Variants in FRMPD4 observed in about 807,000 individuals in gnomAD.
The protein encoded by FRMPD4 is FERM and PDZ domain containing 4.
FRMPD4 carries 22 observed loss-of-function variants against 94.1 expected under a neutral mutation model. The ratio of observed to expected loss-of-function variants is 0.23; its 90% CI spans 0.17 to 0.33. FRMPD4 has a LOEUF of 0.33. Among genes scored for constraint, FRMPD4 ranks in the 10% least tolerant of loss-of-function variants. The probability of loss-of-function intolerance (pLI) is 1.00; values close to 1 mark genes in which losing one functional copy is unlikely to be tolerated. For synonymous variants in FRMPD4, 631 were observed against 548.6 expected (o/e 1.15, Z -2.10); for missense variants, 1,111 against 1,339.9 (o/e 0.83, Z 2.67).
intron 2 of FRMPD4, among the ~76,000 whole-genome samples, chrX:12,605,880 A>G (rs191197737): frequency 6.6e-4 from 73 of 111,361 alleles, no homozygotes; most frequent in African/African-American, 2.2e-3. Context: ...TGGCTCTTCC[A>G]TCTATTTTAC....
chrX:12,606,212 A>C (rs771174134), intron 2 of FRMPD4, among the ~76,000 whole-genome samples: 1 of 112,423 alleles, frequency 8.9e-6, no homozygotes, highest in African/African-American at 3.2e-5. Flanking sequence ...GAGGGTAATC[A>C]AGCTCCAGAA....
intron 1 of FRMPD4, among the ~76,000 whole-genome samples, chrX:12,155,311 A>G (rs1601636438): frequency 8.9e-6 from 1 of 112,091 alleles, no homozygotes; most frequent in Non-Finnish European, 1.9e-5. Flanking sequence ...TGGTAGAAAT[A>G]TATTATCCTT....
At chrX:12,340,850 A>G (rs1601837078) in intron 1 of FRMPD4, among the ~76,000 whole-genome samples, 1 of 111,353 alleles carries the variant, frequency 9.0e-6, no homozygotes, top group African/African-American at 3.3e-5. Flanking sequence ...ATCTGTTTCA[A>G]TGACGTGACT....
chrX:12,156,678 G>A (rs1355104222), intron 1 of FRMPD4, among the ~76,000 whole-genome samples: 1 of 111,123 alleles, frequency 9.0e-6, no homozygotes, highest in Non-Finnish European at 1.9e-5. Flanking sequence ...TACTAATCGT[G>A]TGATTGAAAG....
chrX:12,490,834 ATTTT>A (rs780787567), intron 1 of FRMPD4, among the ~76,000 whole-genome samples: 4 of 111,034 alleles, frequency 3.6e-5, no homozygotes, highest in Non-Finnish European at 7.6e-5. Flanking sequence ...CTGCATATTG[ATTTT>A]TTTTATTTTA....
chrX:11,850,845 T>G (rs867535746), intron 1 of FRMPD4, among the ~76,000 whole-genome samples: 8 of 111,963 alleles, frequency 7.1e-5, no homozygotes, highest in African/African-American at 2.6e-4. Flanking sequence ...GGATATAGAA[T>G]TTTAGTTCTG....
intron 3 of FRMPD4, among the ~76,000 whole-genome samples, chrX:12,043,275 T>C (rs751149916): frequency 2.7e-5 from 3 of 112,018 alleles, no homozygotes; most frequent in Non-Finnish European, 5.6e-5. Context: ...TTTTTTGTGG[T>C]AAACGAAATG....
intron 2 of FRMPD4, among the ~76,000 whole-genome samples, chrX:12,541,923 AG>A (rs1278092595): frequency 3.6e-5 from 4 of 112,163 alleles, no homozygotes; most frequent in Non-Finnish European, 7.5e-5. Context: ...CTGAGATGCA[AG>A]GCTGGTTCAA....
intron 1 of FRMPD4, among the ~76,000 whole-genome samples, chrX:12,475,521 T>G (rs1241890873): frequency 4.5e-5 from 5 of 111,825 alleles, no homozygotes; most frequent in Non-Finnish European, 7.5e-5. Context: ...GGAAGTCAAA[T>G]TGTCCCTGTT....
At chrX:12,112,706 T>C (rs1283401940) in intron 3 of FRMPD4, among the ~76,000 whole-genome samples, 2 of 112,049 alleles carry the variant, frequency 1.8e-5, no homozygotes, top group African/African-American at 6.5e-5. Flanking sequence ...AATTTTTTGA[T>C]TAAATATAAA....
chrX:11,914,249 T>A (rs746974235), intron 3 of FRMPD4, among the ~76,000 whole-genome samples: 6 of 111,030 alleles, frequency 5.4e-5, no homozygotes, highest in Non-Finnish European at 1.1e-4. Flanking sequence ...TCAATTATGA[T>A]GTCCTTTGAA....
In FRMPD4 at chrX:12,332,201, TATATATAGAG is replaced by T. The variant is rs1317847935; in HGVS notation, c.42-166477_42-166468del. Among the ~76,000 whole-genome samples the T allele has an allele frequency of 6.6e-4, 45 of 67,861 alleles. 2 individuals are homozygous for T. The highest frequency in any genetic ancestry group is 3.7e-3 in the African/African-American group (44 of 11,831). 58.9% of individuals were successfully genotyped at this position (67,861 alleles called of 115,157 possible). ...ATATAATTTATATTTTATATATATA[TATATATAGAG>T]AGAGAGAGAGAGAGAGAGAGAGAGA... is the stretch of plus-strand genomic sequence containing the variant. On this transcript the variant is annotated intron_variant, in intron 1 of 16. Transcript: ENST00000675598.
At position 12,553,456 on chromosome X, in the gene FRMPD4, A is replaced by G. The variant is rs190883236; in HGVS notation, c.158+54660A>G. 8.2e-3 allele frequency among the ~76,000 whole-genome samples: 492 copies of G among 60,078 alleles called. 7 individuals carry two copies. Among genetic ancestry groups the G allele is most frequent in the African/African-American group, 0.025 (460 of 18,582 alleles). 52.2% of individuals were successfully genotyped at this position (60,078 alleles called of 115,157 possible). A position where few individuals can be genotyped will look rare whatever the true frequency, so the allele number is the denominator to read the frequency against. On this transcript the variant is annotated intron_variant, in intron 2 of 16. Transcript: ENST00000675598. Reference sequence around the variant, plus strand: ...TGCCTATATATATATATATATATATATATATATATATCTAATCCACTAATT... The same window carrying G: ...TGCCTATATATATATATATATATATGTATATATATATCTAATCCACTAATT...
At chrX:12,345,544 C>T (rs181920438) in intron 1 of FRMPD4, among the ~76,000 whole-genome samples, 3 of 111,580 alleles carry the variant, frequency 2.7e-5, no homozygotes, top group East Asian at 2.8e-4. Context: ...TGATGGTGAG[C>T]GCTTGGAGAA....
intron 4 of FRMPD4, among the ~76,000 whole-genome samples, chrX:12,662,590 C>T (rs2059728251): frequency 8.9e-6 from 1 of 112,376 alleles, no homozygotes; most frequent in African/African-American, 3.2e-5. Flanking sequence ...TTTTCTTTAT[C>T]CAGTCTATCA....
At chrX:12,575,222 A>C (rs1052513291) in intron 2 of FRMPD4, among the ~76,000 whole-genome samples, 1 of 112,037 alleles carries the variant, frequency 8.9e-6, no homozygotes, top group Admixed American at 9.5e-5. Flanking sequence ...TCTTTTCATG[A>C]ATCTATAAGG....
Position 12,282,281 on chromosome X carries a change from G to A in FRMPD4, c.41+143269G>A, listed in dbSNP as rs1245995886. Reference sequence around the variant, plus strand: ...GTAAACTGCAGGCCTGGGCCCAGGTGGGTGGGTCAGGGCAGGGAGCCAGCC... The same window carrying A: ...GTAAACTGCAGGCCTGGGCCCAGGTAGGTGGGTCAGGGCAGGGAGCCAGCC... On this transcript the variant is annotated intron_variant, in intron 1 of 16. Transcript: ENST00000675598. Among the ~76,000 whole-genome samples, 10 of 112,215 alleles carry A rather than the reference G, an allele frequency of 8.9e-5. No homozygotes were observed. The East Asian group carries it at 2.5e-3, about 28-fold the overall frequency.
intron 5 of FRMPD4, 31 bp downstream of exon 5, chrX:12,674,939 A>G (rs1307960676): frequency 4.2e-6 from 4 of 961,410 alleles, no homozygotes; most frequent in Non-Finnish European, 6.0e-6. Context: ...AGTGCCACTT[A>G]ATGTTCTCAG....
intron 3 of FRMPD4, among the ~76,000 whole-genome samples, chrX:12,009,249 G>A (rs1404308015): frequency 8.9e-6 from 1 of 112,454 alleles, no homozygotes; most frequent in Non-Finnish European, 1.9e-5. Context: ...ATGTCAAAAT[G>A]TCAAGTTGTA....
Sources: allele counts gnomAD v4.1 joint callset (sites outside exome capture counted in the v4.1 genomes callset), GRCh38; gene constraint gnomAD v4.1.1; transcripts MANE v1.5; gene names NCBI Gene and HGNC (gene_info 2026-07-23, HGNC 2026-07-21).